The following NAALADL2 variants were observed in gnomAD, a reference collection of about 807,000 sequenced individuals.
NAALADL2 encodes N-acetylated alpha-linked acidic dipeptidase like 2, also known as inactive N-acetylated-alpha-linked acidic dipeptidase-like protein 2.
Under a neutral mutation model 87.2 loss-of-function variants are expected in NAALADL2, and 76 were observed. The ratio of observed to expected loss-of-function variants is 0.87; its 90% CI spans 0.72 to 1.05. The LOEUF is 1.05. Among genes scored for constraint, NAALADL2 ranks in the 50% least tolerant of loss-of-function variants. NAALADL2 has a pLI of 0.00. For missense variants in NAALADL2, 1,089 were observed against 945.8 expected (o/e 1.15, Z -1.99); for synonymous variants, 354 against 331.0 (o/e 1.07, Z -0.75).
chr3:175,366,782 G>A (rs1332140009), intron 5 of NAALADL2, among the ~76,000 whole-genome samples: 2 of 151,214 alleles, frequency 1.3e-5, no homozygotes, highest in Non-Finnish European at 3.0e-5. Flanking sequence ...TGAGTAGGTT[G>A]CGAAAATTTT....
chr3:175,682,306 T>G (rs1423924719), intron 11 of NAALADL2, among the ~76,000 whole-genome samples: 1 of 151,940 alleles, frequency 6.6e-6, no homozygotes, highest in South Asian at 2.1e-4. Flanking sequence ...ATTTAAGAAA[T>G]AAGAATAGAT....
At chr3:174,533,247 C>T (rs1442363292) in intron 1 of NAALADL2, among the ~76,000 whole-genome samples, 1 of 151,726 alleles carries the variant, frequency 6.6e-6, no homozygotes, top group South Asian at 2.1e-4. Flanking sequence ...GCTCTCATGG[C>T]GACTGGCCAA....
intron 6 of NAALADL2, among the ~76,000 whole-genome samples, chr3:175,450,516 C>T (rs1581939234): frequency 6.6e-6 from 1 of 152,072 alleles, no homozygotes; most frequent in East Asian, 1.9e-4. Context: ...AAAATCCAGG[C>T]AAAAATGTAA....
chr3:174,958,539 T>C (rs1741482789), intron 1 of NAALADL2, among the ~76,000 whole-genome samples: 1 of 152,042 alleles, frequency 6.6e-6, no homozygotes, highest in Admixed American at 6.6e-5. Flanking sequence ...GAATTTTAAG[T>C]GGAGTGATTC....
chr3:174,602,217 T>G (rs1205608661), intron 2 of NAALADL2, among the ~76,000 whole-genome samples: 1 of 152,202 alleles, frequency 6.6e-6, no homozygotes, highest in African/African-American at 2.4e-5. Flanking sequence ...TTGGGTAGTA[T>G]GCACATTTTA....
intron 10 of NAALADL2, among the ~76,000 whole-genome samples, chr3:175,595,400 C>A (rs912216578): frequency 2.6e-5 from 4 of 151,794 alleles, no homozygotes; most frequent in Non-Finnish European, 5.9e-5. Context: ...ATTAGTGTAG[C>A]CTTGTAGTGT....
chr3:175,614,914 G>A (rs1229369486), intron 10 of NAALADL2, among the ~76,000 whole-genome samples: 3 of 152,066 alleles, frequency 2.0e-5, no homozygotes, highest in African/African-American at 7.2e-5. Context: ...CAAATGAAAT[G>A]AATCATAAAA....
chr3:174,622,604 C>T (rs1260913092), intron 2 of NAALADL2, among the ~76,000 whole-genome samples: 3 of 152,012 alleles, frequency 2.0e-5, no homozygotes, highest in African/African-American at 7.3e-5. Context: ...CAATTAATGC[C>T]TATTTTCTAT....
intron 5 of NAALADL2, among the ~76,000 whole-genome samples, chr3:175,340,949 C>T (rs1286189533): frequency 6.6e-6 from 1 of 151,114 alleles, no homozygotes; most frequent in Non-Finnish European, 1.5e-5. Flanking sequence ...AGGTGGACAT[C>T]TTCCTTAGCC....
chr3:174,553,750 T>A (rs555760098), intron 2 of NAALADL2, among the ~76,000 whole-genome samples: 21 of 152,306 alleles, frequency 1.4e-4, no homozygotes, highest in African/African-American at 5.1e-4. Context: ...GAAAAAATTC[T>A]TGAAAAAGTT....
chr3:174,509,568 A>ATTTTTTTTTTT (rs145219498), intron 1 of NAALADL2, among the ~76,000 whole-genome samples: 23 of 80,120 alleles, frequency 2.9e-4, no homozygotes, highest in Non-Finnish European at 3.6e-4. Context: ...CACCCAGCTA[A>ATTTTTTTTTTT]TTTTTTTTTT....
chr3:174,931,410 G>C (rs528891025), intron 1 of NAALADL2, among the ~76,000 whole-genome samples: 2 of 152,054 alleles, frequency 1.3e-5, no homozygotes, highest in African/African-American at 4.8e-5. Context: ...AGATGGGAAC[G>C]ATACTAAAAG....
chr3:175,452,012 A>G (rs75784162), intron 6 of NAALADL2, among the ~76,000 whole-genome samples: 1,649 of 152,278 alleles, frequency 0.011, 24 homozygotes, highest in African/African-American at 0.036. Flanking sequence ...TATTGAACAT[A>G]TTATCTACAA....
chr3:175,303,502 T>C (rs2110239671), intron 4 of NAALADL2, among the ~76,000 whole-genome samples: 1 of 152,334 alleles, frequency 6.6e-6, no homozygotes, highest in South Asian at 2.1e-4. Context: ...ATCTGATTTT[T>C]CTACTTTCTT....
chr3:175,003,531 G>A (rs1191881137), intron 1 of NAALADL2, among the ~76,000 whole-genome samples: 4 of 152,132 alleles, frequency 2.6e-5, no homozygotes, highest in Admixed American at 2.6e-4. Flanking sequence ...TATAATACAT[G>A]CCACGTACAA....
At chr3:174,891,937 C>T (rs1010056246) in intron 1 of NAALADL2, among the ~76,000 whole-genome samples, 1 of 152,054 alleles carries the variant, frequency 6.6e-6, no homozygotes, top group Non-Finnish European at 1.5e-5. Context: ...GTAGGGAGGA[C>T]TTTGTCCTGC....
intron 11 of NAALADL2, among the ~76,000 whole-genome samples, chr3:175,725,843 T>C (rs1202925876): frequency 6.6e-6 from 1 of 152,198 alleles, no homozygotes; most frequent in East Asian, 1.9e-4. Context: ...GAATTTAGAA[T>C]AATGCCTGGC....
At position 175,514,042 on chromosome 3, in the gene NAALADL2, T is replaced by C. The variant is rs375950353; in HGVS notation, c.1653+42284T>C. 3.7e-4 allele frequency among the ~76,000 whole-genome samples: 57 copies of C among 152,334 alleles called. No individual in the cohort carries two copies. The South Asian group carries it at 0.011, about 30-fold the overall frequency. The stretch of plus-strand genomic sequence containing the variant: ...TTGCTTTCTCTTCCAAACGTATTGA[T>C]TACGAGGCTTTACAAGTGACCTCAA... On this transcript the variant is annotated intron_variant, in intron 9 of 13. Transcript: ENST00000454872.
chr3:175,324,478 A>G, intron 5 of NAALADL2, among the ~76,000 whole-genome samples, 153 bp downstream of exon 5: 1 of 152,212 alleles, frequency 6.6e-6, no homozygotes, highest in Non-Finnish European at 1.5e-5. Flanking sequence ...TTATCTTCTC[A>G]TAATTATAGA....
Sources: gnomAD v4.1 joint callset for allele counts (sites outside exome capture counted in the v4.1 genomes callset) on GRCh38, gnomAD v4.1.1 for gene constraint, MANE v1.5 for transcripts, NCBI Gene and HGNC (gene_info 2026-07-23, HGNC 2026-07-21) for gene names.